Variants in SYNGR4 observed in about 807,000 individuals in gnomAD.
SYNGR4 encodes the protein synaptogyrin 4.
Under a neutral mutation model 15.5 loss-of-function variants are expected in SYNGR4, and 15 were observed. That is an observed-to-expected ratio of 0.97 (90% CI 0.65 to 1.49). The LOEUF is 1.49. Ranked by LOEUF, SYNGR4 falls within the 40% of genes most tolerant of loss-of-function variation. The pLI is 0.00. For synonymous variants in SYNGR4, 121 were observed against 127.4 expected (o/e 0.95, Z 0.34); for missense variants, 292 against 299.3 (o/e 0.98, Z 0.18).
intron 1 of SYNGR4, among the ~76,000 whole-genome samples, chr19:48,365,126 C>T (rs911501384): frequency 2.0e-5 from 3 of 150,746 alleles, no homozygotes; most frequent in African/African-American, 7.4e-5. Flanking sequence ...GGACCCTTAG[C>T]GACTCTCTCA....
intron 2 of SYNGR4, among the ~76,000 whole-genome samples, chr19:48,370,313 G>A (rs1049230407): frequency 4.6e-5 from 7 of 152,038 alleles, no homozygotes; most frequent in African/African-American, 1.2e-4. Context: ...TAGCAATACC[G>A]TCTCTACAAA....
chr19:48,375,526 A>T, intron 3 of SYNGR4, 87 bp from the exon 4 acceptor site: 16 of 1,510,806 alleles, frequency 1.1e-5, no homozygotes, highest in South Asian at 2.5e-5. Flanking sequence ...GTGCAGCAAG[A>T]CCACCAGCCC....
chr19:48,372,446 C>G (rs1970323207), intron 2 of SYNGR4, among the ~76,000 whole-genome samples: 1 of 151,822 alleles, frequency 6.6e-6, no homozygotes, highest in South Asian at 2.1e-4. Flanking sequence ...GTGATCGAGA[C>G]CATCGTGGCT....
chr19:48,370,552 G>C (rs1970288516), intron 2 of SYNGR4, among the ~76,000 whole-genome samples: 1 of 152,028 alleles, frequency 6.6e-6, no homozygotes, highest in African/African-American at 2.4e-5. Flanking sequence ...TCTAACGAAG[G>C]GGAGATTTTC....
chr19:48,372,605 G>C (rs1970326385), intron 2 of SYNGR4, among the ~76,000 whole-genome samples: 1 of 151,862 alleles, frequency 6.6e-6, no homozygotes, highest in African/African-American at 2.4e-5. Context: ...GAGCCGAGAT[G>C]GCGCCACTGC....
chr19:48,369,806 C>G (rs981883011), intron 2 of SYNGR4, among the ~76,000 whole-genome samples: 1 of 152,170 alleles, frequency 6.6e-6, no homozygotes, highest in Non-Finnish European at 1.5e-5. Context: ...TTCTTGTCCT[C>G]GACCTGACTC....
chr19:48,364,881 G>C (rs1342501729), intron 1 of SYNGR4, among the ~76,000 whole-genome samples: 3 of 151,824 alleles, frequency 2.0e-5, no homozygotes, highest in Non-Finnish European at 4.4e-5. Context: ...TTCAGCTCCT[G>C]GGTCACAAGA....
At position 48,373,682 on chromosome 19, in the gene SYNGR4, G is replaced by T; in HGVS notation, c.259G>T (p.Asp87Tyr). ...FLSCLAFLVL[D>Y]TQETRIAGTR... ...CAGCTGCCTGGCCTTCCTCGTCCTGGACACACAGGAGACCCGCATTGCCGG... is the reference window on the plus strand; with the variant it reads ...CAGCTGCCTGGCCTTCCTCGTCCTGTACACACAGGAGACCCGCATTGCCGG... The change falls in exon 3 of 5, where the codon GAC becomes TAC. Residue 87 changes from aspartate (D) to tyrosine (Y), a missense_variant. Asp to Tyr is a radical substitution (Grantham distance 160, BLOSUM62 -3). Transcript: ENST00000344846. 3 of 1,613,938 alleles carry T rather than the reference G, an allele frequency of 1.9e-6. No homozygotes were observed. Among genetic ancestry groups the T allele is most frequent in the Non-Finnish European group, 1.7e-6 (2 of 1,180,032 alleles).
intron 2 of SYNGR4, among the ~76,000 whole-genome samples, chr19:48,370,404 G>A (rs1397138483): frequency 6.6e-6 from 1 of 152,080 alleles, no homozygotes; most frequent in African/African-American, 2.4e-5. Context: ...GATTGCTTGA[G>A]CCCAGGAGGT....
rs572982174 is a variant in SYNGR4, at chr19:48,367,237, C to A, written c.93+1302C>A. Among the ~76,000 whole-genome samples the A allele has an allele frequency of 2.6e-5, 4 of 151,946 alleles. No individual in the cohort carries two copies. The East Asian group carries it at 5.8e-4, about 22-fold the overall frequency. ...CGTGAGGTGAGGAGATCGAGACCATCCTGGCTAACACGGTGAAACCCCATC... is the reference window on the plus strand; with the variant it reads ...CGTGAGGTGAGGAGATCGAGACCATACTGGCTAACACGGTGAAACCCCATC... On this transcript the variant is annotated intron_variant, in intron 2 of 4. Coordinates refer to ENST00000344846, the MANE Select transcript of SYNGR4 (RefSeq NM_012451.4).
intron 1 of SYNGR4, among the ~76,000 whole-genome samples, chr19:48,364,771 A>G (rs981581908): frequency 1.3e-4 from 20 of 152,032 alleles, no homozygotes; most frequent in Admixed American, 8.5e-4. Flanking sequence ...ATTCGGTTTC[A>G]GACCTCCCAG....
intron 2 of SYNGR4, among the ~76,000 whole-genome samples, chr19:48,368,214 T>C (rs1268742738): frequency 6.6e-6 from 1 of 152,222 alleles, no homozygotes; most frequent in African/African-American, 2.4e-5. Flanking sequence ...CGTGTGACCC[T>C]GAGCAAGCTA....
At chr19:48,375,903 C>T in intron 4 of SYNGR4, 151 bp downstream of exon 4, 8 of 1,509,042 alleles carry the variant, frequency 5.3e-6, no homozygotes, top group Non-Finnish European at 7.0e-6. Flanking sequence ...CTTCCAGGTG[C>T]CGCTTCCTCT....
chr19:48,373,118 G>A, intron 2 of SYNGR4: 1 of 200,952 alleles, frequency 5.0e-6, no homozygotes, highest in South Asian at 9.6e-5. Context: ...AGTGAGGGAA[G>A]CGGAGACTCT....
intron 4 of SYNGR4, 70 bp downstream of exon 4, chr19:48,375,822 G>C: frequency 5.1e-6 from 8 of 1,573,866 alleles, no homozygotes; most frequent in Non-Finnish European, 6.0e-6. Flanking sequence ...GAAAGGGCTA[G>C]AACATTCCTG....
At chr19:48,371,258 GGTCCA>G (rs1045832446) in intron 2 of SYNGR4, among the ~76,000 whole-genome samples, 6 of 152,100 alleles carry the variant, frequency 3.9e-5, no homozygotes, top group African/African-American at 1.4e-4. Context: ...TGTTCTTTAA[GGTCCA>G]GTTCAGAACT....
At position 48,365,930 on chromosome 19, in the gene SYNGR4, G is replaced by A. The variant is rs371951428; in HGVS notation, c.88G>A (p.Glu30Lys). 48 of 1,613,314 alleles carry A rather than the reference G, an allele frequency of 3.0e-5. No individual in the cohort carries two copies. In the Middle Eastern group the frequency reaches 8.2e-4, roughly 28 times the overall value. Residue 30 changes from glutamate to lysine, a missense_variant, in exon 2 of 5, where the codon GAA (glutamate) becomes AAA (lysine). Coordinates refer to ENST00000344846, the MANE Select transcript of SYNGR4 (RefSeq NM_012451.4). ...GCCCAAGACCATCACGCGGGTCTTC[G>A]AAGGGGTGAGGCCCTCCCATGGCCC... is the stretch of plus-strand genomic sequence containing the variant. ...RRPKTITRVF[E>K]GVFSLIVFSS...
At chr19:48,365,962 GC>G (rs1970214019) in intron 2 of SYNGR4, 27 bp downstream of exon 2, 1 of 1,610,770 alleles carries the variant, frequency 6.2e-7, no homozygotes. Flanking sequence ...GCCCGACTGT[GC>G]CCCTGGGTGA....
In SYNGR4 at chr19:48,373,556, G is replaced by A. The variant is rs139662043; in HGVS notation, c.133G>A (p.Gly45Ser). ...CGTCTTCTCCTCCCTGCTGACCGACGGCTACCAGAACAAGATGGAGTCTCC... is the reference window on the plus strand; with the variant it reads ...CGTCTTCTCCTCCCTGCTGACCGACAGCTACCAGAACAAGATGGAGTCTCC... ...LIVFSSLLTD[G>S]YQNKMESPQL... The change falls in exon 3 of 5, where the codon GGC (glycine) becomes AGC (serine). Residue 45 changes from glycine to serine, a missense_variant. Coordinates refer to ENST00000344846, the MANE Select transcript of SYNGR4 (RefSeq NM_012451.4). 4.5e-5 allele frequency: 73 copies of A among 1,613,594 alleles called. No homozygotes were observed. Among genetic ancestry groups the A allele is most frequent in the South Asian group, 5.5e-5 (5 of 91,084 alleles).
Sources: gnomAD v4.1 joint callset for allele counts (sites outside exome capture counted in the v4.1 genomes callset) on GRCh38, gnomAD v4.1.1 for gene constraint, MANE v1.5 for transcripts, NCBI Gene and HGNC (gene_info 2026-07-23, HGNC 2026-07-21) for gene names.